The following RASAL2 variants were observed in gnomAD, a reference collection of about 807,000 sequenced individuals.
RASAL2 encodes ras GTPase-activating protein nGAP.
RASAL2 carries 58 observed loss-of-function variants against 128.9 expected under a neutral mutation model. The ratio of observed to expected loss-of-function variants is 0.45; its 90% CI spans 0.36 to 0.56. The LOEUF is 0.56. Ranked by LOEUF, RASAL2 falls within the 20% of genes least tolerant of loss-of-function variation. The pLI, the probability that RASAL2 is intolerant of heterozygous loss-of-function variation, is 0.00. For missense variants in RASAL2, 1,360 were observed against 1,601.6 expected (o/e 0.85, Z 2.57); for synonymous variants, 561 against 580.8 (o/e 0.97, Z 0.49).
At chr1:178,437,971 C>T (rs1676362830) in intron 5 of RASAL2, among the ~76,000 whole-genome samples, 1 of 151,766 alleles carries the variant, frequency 6.6e-6, no homozygotes, top group South Asian at 2.1e-4. Context: ...AGATACAAAA[C>T]ATTAGGTAGC....
intron 4 of RASAL2, among the ~76,000 whole-genome samples, chr1:178,415,538 T>G (rs1286803925): frequency 1.3e-5 from 2 of 152,144 alleles, no homozygotes; most frequent in African/African-American, 2.4e-5. Flanking sequence ...ATCTCTATTC[T>G]GCTGTTGTTG....
chr1:178,283,693 T>A lies in RASAL2; in HGVS notation c.330+2T>A, dbSNP rs1446251217. On this transcript the variant is annotated splice_donor_variant, in intron 2 of 17. Transcript: ENST00000367649. LOFTEE classifies it high-confidence loss of function. Reference sequence around the variant, plus strand: ...GTATTGCTCAACAAGGAGAAGGAGGTGAGATGGATATTATTCAGGAAAGTT... The same window carrying A: ...GTATTGCTCAACAAGGAGAAGGAGGAGAGATGGATATTATTCAGGAAAGTT... 1 of 1,612,138 alleles carries A rather than the reference T, an allele frequency of 6.2e-7. No homozygotes were observed. Among genetic ancestry groups the A allele is most frequent in the Non-Finnish European group, 8.5e-7 (1 of 1,179,214 alleles).
chr1:178,139,910 G>A (rs10157702), intron 1 of RASAL2, among the ~76,000 whole-genome samples: 35,217 of 151,852 alleles, frequency 0.23, 4,761 homozygotes, highest in African/African-American at 0.37. Context: ...ATGTGCAGTT[G>A]TATTTACTTT....
At chr1:178,131,335 T>C (rs1163128647) in intron 1 of RASAL2, among the ~76,000 whole-genome samples, 1 of 150,510 alleles carries the variant, frequency 6.6e-6, no homozygotes, top group African/African-American at 2.4e-5. Flanking sequence ...GCCTCCTGAG[T>C]AGCTGGCACT....
In RASAL2 at chr1:178,458,249, C is replaced by CCT; in HGVS notation, c.2958_2959insTC (p.Arg987SerfsTer34). On this transcript the variant is annotated frameshift_variant, in exon 14 of 18. Transcript: ENST00000367649. LOFTEE classifies it high-confidence loss of function. ...CGTAGCACTCAGAGTGAGGACTTCTCCAGGCGGCACACGGTGCCAGATAGA... is the reference window on the plus strand; with the variant it reads ...CGTAGCACTCAGAGTGAGGACTTCTCCTCAGGCGGCACACGGTGCCAGATAGA... The CCT allele has an allele frequency of 1.2e-6, 2 of 1,614,256 alleles. No individual in the cohort carries two copies. Among genetic ancestry groups the CCT allele is most frequent in the Non-Finnish European group, 1.7e-6 (2 of 1,180,050 alleles).
chr1:178,191,933 T>C (rs1662507456), intron 1 of RASAL2, among the ~76,000 whole-genome samples: 1 of 152,126 alleles, frequency 6.6e-6, no homozygotes, highest in Non-Finnish European at 1.5e-5. Context: ...GAAAAGACAG[T>C]TTCTCAGTCT....
intron 14 of RASAL2, among the ~76,000 whole-genome samples, chr1:178,461,011 A>T (rs1678159078): frequency 1.3e-5 from 2 of 151,998 alleles, no homozygotes; most frequent in Non-Finnish European, 2.9e-5. Context: ...GTGGGGTTTC[A>T]TCATGTTGGC....
chr1:178,338,798 C>T (rs1008518912), intron 3 of RASAL2, among the ~76,000 whole-genome samples: 1 of 152,150 alleles, frequency 6.6e-6, no homozygotes, highest in African/African-American at 2.4e-5. Flanking sequence ...GTCTCTGCCA[C>T]CACTCAGATT....
At chr1:178,152,291 A>T (rs757340033) in intron 1 of RASAL2, among the ~76,000 whole-genome samples, 23 of 152,130 alleles carry the variant, frequency 1.5e-4, no homozygotes, top group Non-Finnish European at 2.5e-4. Flanking sequence ...GGGCATGGGA[A>T]CTATGTGTCC....
At chr1:178,220,431 G>A (rs1355932383) in intron 1 of RASAL2, among the ~76,000 whole-genome samples, 1 of 152,062 alleles carries the variant, frequency 6.6e-6, no homozygotes, top group Non-Finnish European at 1.5e-5. Context: ...AATTACAGTA[G>A]TAACATCAAA....
chr1:178,390,104 A>G lies in RASAL2; in HGVS notation c.462A>G (p.Val154=). Residue 154 remains valine, a synonymous_variant, in exon 4 of 18, where the codon GTA becomes GTG. Coordinates refer to ENST00000367649, the MANE Select transcript of RASAL2 (RefSeq NM_170692.4). Reference sequence around the variant, plus strand: ...AACTTTCCTCCTTTTTTCCAGAGGTACCAGCAGAAAGGTCCCCTCGTAGAC... The same window carrying G: ...AACTTTCCTCCTTTTTTCCAGAGGTGCCAGCAGAAAGGTCCCCTCGTAGAC... ...YPPEGATKLE[V]PAERSPRRRS... is the part of the protein sequence containing the mutation. The G allele has an allele frequency of 6.3e-7, 1 of 1,599,662 alleles. No individual in the cohort carries two copies. The highest frequency in any genetic ancestry group is 8.5e-7 in the Non-Finnish European group (1 of 1,174,650).
At chr1:178,153,100 T>C (rs1660967912) in intron 1 of RASAL2, among the ~76,000 whole-genome samples, 1 of 152,160 alleles carries the variant, frequency 6.6e-6, no homozygotes, top group African/African-American at 2.4e-5. Flanking sequence ...ATTCTTTCTC[T>C]CTCCCAACCC....
intron 3 of RASAL2, chr1:178,341,374 T>C (rs1056268656): frequency 7.5e-6 from 10 of 1,333,964 alleles, no homozygotes; most frequent in Admixed American, 3.3e-5. Context: ...TTTAGTGCTC[T>C]CTAGCAAAAG....
intron 13 of RASAL2, among the ~76,000 whole-genome samples, chr1:178,457,307 T>C (rs2102907780): frequency 6.6e-6 from 1 of 152,352 alleles, no homozygotes; most frequent in Admixed American, 6.5e-5. Flanking sequence ...TTGGCAAGAC[T>C]TGTGCCTTTT....
At chr1:178,262,881 A>G (rs1665765117) in intron 1 of RASAL2, among the ~76,000 whole-genome samples, 1 of 151,682 alleles carries the variant, frequency 6.6e-6, no homozygotes, top group South Asian at 2.1e-4. Context: ...GACCTAAATA[A>G]CAGAAAGTGT....
At chr1:178,353,558 T>G (rs1261343626) in intron 3 of RASAL2, among the ~76,000 whole-genome samples, 1 of 152,216 alleles carries the variant, frequency 6.6e-6, no homozygotes, top group African/African-American at 2.4e-5. Context: ...TTTTCCCTCA[T>G]CTTCCTGTCT....
chr1:178,471,219 G>A (rs73037567), intron 17 of RASAL2, among the ~76,000 whole-genome samples: 10,425 of 151,820 alleles, frequency 0.069, 1,148 homozygotes, highest in African/African-American at 0.23. Flanking sequence ...TTCTTTAATC[G>A]TTCAAGAAAT....
intron 1 of RASAL2, among the ~76,000 whole-genome samples, chr1:178,149,413 T>G (rs2101875122): frequency 6.6e-6 from 1 of 152,230 alleles, no homozygotes; most frequent in Non-Finnish European, 1.5e-5. Flanking sequence ...ACTCTAAAAT[T>G]GTTGTGGATT....
chr1:178,218,058 C>G (rs1663486912), intron 1 of RASAL2, among the ~76,000 whole-genome samples: 1 of 151,980 alleles, frequency 6.6e-6, no homozygotes, highest in African/African-American at 2.4e-5. Context: ...CAACTCCTCA[C>G]CCATTCAAGT....
Sources: gnomAD v4.1 joint callset for allele counts (sites outside exome capture counted in the v4.1 genomes callset) on GRCh38, gnomAD v4.1.1 for gene constraint, MANE v1.5 for transcripts, NCBI Gene and HGNC (gene_info 2026-07-23, HGNC 2026-07-21) for gene names.